Variants in EDIL3 observed in about 807,000 individuals in gnomAD.
EDIL3 encodes EGF like and discoidin domains 3.
Under a neutral mutation model 67.4 loss-of-function variants are expected in EDIL3, and 37 were observed. The observed-to-expected ratio is 0.55, with a 90% confidence interval of 0.42 to 0.72. The LOEUF (loss-of-function observed/expected upper bound fraction) is 0.72. Among genes scored for constraint, EDIL3 ranks in the 30% least tolerant of loss-of-function variants. The pLI is 0.00. For missense variants in EDIL3, 527 were observed against 586.3 expected (o/e 0.90, Z 1.04); for synonymous variants, 195 against 196.3 (o/e 0.99, Z 0.05).
chr5:84,158,708 T>C (rs1027912731), intron 4 of EDIL3, among the ~76,000 whole-genome samples: 2 of 152,070 alleles, frequency 1.3e-5, no homozygotes, highest in Non-Finnish European at 2.9e-5. Context: ...ATAGAAATCA[T>C]TGGCTTTATG....
chr5:84,186,093 G>A (rs758573024), intron 3 of EDIL3, among the ~76,000 whole-genome samples: 8 of 151,992 alleles, frequency 5.3e-5, no homozygotes, highest in Non-Finnish European at 7.4e-5. Flanking sequence ...ATTGCCCCAA[G>A]TGATAATAAG....
chr5:84,254,013 C>G, intron 2 of EDIL3, 71 bp downstream of exon 2: 5 of 1,489,966 alleles, frequency 3.4e-6, no homozygotes, highest in Non-Finnish European at 3.6e-6. Context: ...CCATAATGCA[C>G]CACAGCCAAA....
At chr5:84,082,638 A>G (rs1746990157) in intron 6 of EDIL3, among the ~76,000 whole-genome samples, 1 of 152,244 alleles carries the variant, frequency 6.6e-6, no homozygotes, top group Non-Finnish European at 1.5e-5. Flanking sequence ...CAAAAATAAA[A>G]TAAAATAAAT....
Position 84,298,179 on chromosome 5 carries a change from G to A in EDIL3, c.68-43967C>T, listed in dbSNP as rs185481144. Among the ~76,000 whole-genome samples the A allele has an allele frequency of 4.6e-5, 7 of 152,168 alleles. No individual in the cohort carries two copies. The East Asian group carries it at 7.7e-4, about 17-fold the overall frequency. On this transcript the variant is annotated intron_variant, in intron 1 of 10. Transcript: ENST00000296591. ...CATTCTATTATAAAGATACATGCAC[G>A]CGTGTATTCCTTGCAGCACTATTCA...
intron 5 of EDIL3, among the ~76,000 whole-genome samples, chr5:84,111,115 A>G (rs1170279323): frequency 3.3e-5 from 5 of 152,148 alleles, no homozygotes; most frequent in Non-Finnish European, 7.4e-5. Context: ...TCCTGCTGCC[A>G]TAGGAAGACA....
At chr5:84,258,665 A>G (rs1745166690) in intron 1 of EDIL3, among the ~76,000 whole-genome samples, 1 of 152,120 alleles carries the variant, frequency 6.6e-6, no homozygotes, top group Non-Finnish European at 1.5e-5. Flanking sequence ...AACTGTCCTG[A>G]TTTGAATGAG....
chr5:84,093,748 A>G (rs1474316829), intron 6 of EDIL3, among the ~76,000 whole-genome samples: 1 of 142,670 alleles, frequency 7.0e-6, no homozygotes, highest in Non-Finnish European at 1.5e-5. Flanking sequence ...CAACTTCTGT[A>G]CCCCAGATTC....
In EDIL3 at chr5:84,228,188, C is replaced by T. The variant is rs141122455; in HGVS notation, c.226+1667G>A. ...AGGCCTGGAGTTTTTCTGGAAGAGG[C>T]CTCAAAAAAAAAGTTAACAGGGGTT... On this transcript the variant is annotated intron_variant, in intron 3 of 10. Coordinates refer to ENST00000296591, the MANE Select transcript of EDIL3 (RefSeq NM_005711.5). Among the ~76,000 whole-genome samples, 1,002 of 151,566 alleles carry T rather than the reference C, an allele frequency of 6.6e-3. 16 individuals are homozygous for T. Among genetic ancestry groups the T allele is most frequent in the African/African-American group, 0.023 (960 of 41,358 alleles).
chr5:84,121,581 A>T (rs550596878), intron 5 of EDIL3, among the ~76,000 whole-genome samples: 159 of 131,300 alleles, frequency 1.2e-3, no homozygotes, highest in African/African-American at 4.4e-3. Context: ...ATCTATCTAC[A>T]TTTTTTTTTC....
intron 1 of EDIL3, among the ~76,000 whole-genome samples, chr5:84,344,918 C>T (rs1747206230): frequency 6.6e-6 from 1 of 152,104 alleles, no homozygotes; most frequent in Non-Finnish European, 1.5e-5. Context: ...TATAATATCA[C>T]TTTCAACCAG....
At chr5:84,244,939 C>A (rs1413472945) in intron 2 of EDIL3, among the ~76,000 whole-genome samples, 1 of 152,184 alleles carries the variant, frequency 6.6e-6, no homozygotes, top group East Asian at 1.9e-4. Flanking sequence ...GTTGCGTGCT[C>A]CTTATGAGAA....
chr5:84,225,520 G>C (rs1744433089), intron 3 of EDIL3, among the ~76,000 whole-genome samples: 1 of 151,384 alleles, frequency 6.6e-6, no homozygotes, highest in South Asian at 2.1e-4. Flanking sequence ...AAAATATAAG[G>C]CAAATCAATT....
At chr5:84,363,732 A>G (rs62360119) in intron 1 of EDIL3, among the ~76,000 whole-genome samples, 132 of 152,262 alleles carry the variant, frequency 8.7e-4, no homozygotes, top group Admixed American at 2.2e-3. Context: ...TTTTTTCATG[A>G]TGGTGAGTGA....
At chr5:84,365,149 T>C (rs895405971) in intron 1 of EDIL3, among the ~76,000 whole-genome samples, 2 of 152,108 alleles carry the variant, frequency 1.3e-5, no homozygotes, top group Non-Finnish European at 2.9e-5. Flanking sequence ...TTGAGGTATA[T>C]ATGATATTTA....
At chr5:84,055,601 C>T (rs1746428760) in intron 9 of EDIL3, among the ~76,000 whole-genome samples, 1 of 152,010 alleles carries the variant, frequency 6.6e-6, no homozygotes, top group South Asian at 2.1e-4. Flanking sequence ...AGAACTCAAA[C>T]AAATTTACAA....
intron 9 of EDIL3, among the ~76,000 whole-genome samples, chr5:84,004,625 A>G (rs2112173240): frequency 6.6e-6 from 1 of 152,268 alleles, no homozygotes; most frequent in South Asian, 2.1e-4. Flanking sequence ...AAATCAAGTA[A>G]TTATTTGAAA....
At chr5:84,360,999 T>C (rs948895558) in intron 1 of EDIL3, among the ~76,000 whole-genome samples, 1 of 152,070 alleles carries the variant, frequency 6.6e-6, no homozygotes, top group African/African-American at 2.4e-5. Context: ...TAAATATTTT[T>C]CCATGTGCTA....
intron 1 of EDIL3, among the ~76,000 whole-genome samples, chr5:84,340,503 A>ACTCTCTCTCTCTCTCTCTCT (rs1170972212): frequency 1.0e-4 from 4 of 38,696 alleles, no homozygotes; most frequent in Admixed American, 2.9e-4. Flanking sequence ...AGGGAAGATT[A>ACTCTCTCTCTCTCTCTCTCT]CTCTCTCTCT....
chr5:84,064,454 GCTTTCTTTGA>G (rs774945505), intron 8 of EDIL3, among the ~76,000 whole-genome samples: 15 of 152,090 alleles, frequency 9.9e-5, no homozygotes, highest in Non-Finnish European at 2.1e-4. Flanking sequence ...AATTCCCTGT[GCTTTCTTTGA>G]CCACTCAACA....
Sources: gnomAD v4.1 joint callset for allele counts (sites outside exome capture counted in the v4.1 genomes callset) on GRCh38, gnomAD v4.1.1 for gene constraint, MANE v1.5 for transcripts, NCBI Gene and HGNC (gene_info 2026-07-23, HGNC 2026-07-21) for gene names.